Variants in SMARCAD1 observed in about 807,000 individuals in gnomAD.
SMARCAD1 encodes SNF2 related chromatin remodeling ATPase with DExD box 1, also known as SWI/SNF-related matrix-associated actin-dependent regulator of chromatin subfamily A containing DEAD/H box 1.
SMARCAD1 carries 25 observed loss-of-function variants against 127.1 expected under a neutral mutation model. That is an observed-to-expected ratio of 0.20 (90% CI 0.14 to 0.27). The LOEUF (loss-of-function observed/expected upper bound fraction) is 0.27. SMARCAD1 is among the 10% of genes least tolerant of loss of function. SMARCAD1 has a pLI of 1.00. For missense variants in SMARCAD1, 807 were observed against 1,206.0 expected, an observed-to-expected ratio of 0.67 and a Z score of 4.90; for synonymous variants, 400 against 396.9, an observed-to-expected ratio of 1.01 and a Z score of -0.09.
chr4:94,261,598 T>C (rs1457199199), intron 9 of SMARCAD1, among the ~76,000 whole-genome samples: 1 of 152,194 alleles, frequency 6.6e-6, no homozygotes, highest in African/African-American at 2.4e-5. Flanking sequence ...TTCATTATAA[T>C]TGGTGAAAGA....
rs926161794 is a variant in SMARCAD1, at chr4:94,207,913, C to G, written c.-207C>G. The G allele has an allele frequency of 3.0e-6, 1 of 337,858 alleles. No individual in the cohort carries two copies. Among genetic ancestry groups the G allele is most frequent in the Non-Finnish European group, 5.8e-6 (1 of 172,106 alleles). 20.9% of individuals were successfully genotyped at this position (337,858 alleles called of 1,614,324 possible). A position where few individuals can be genotyped will look rare whatever the true frequency, so the allele number is the denominator to read the frequency against. On this transcript the variant is annotated 5_prime_UTR_variant, in exon 1 of 24. Transcript: ENST00000354268. The stretch of plus-strand genomic sequence containing the variant: ...CGCCAGCACGGCCTCCGCCGCTCCC[C>G]TTCTTTGGCCCCTTTGTGTCCCCGC...
At chr4:94,228,333 T>G (rs1386775291) in intron 3 of SMARCAD1, among the ~76,000 whole-genome samples, 6 of 152,204 alleles carry the variant, frequency 3.9e-5, no homozygotes, top group African/African-American at 1.4e-4. Flanking sequence ...GCATTATCAC[T>G]CTTCGTAAAC....
chr4:94,260,212 C>T (rs1306278839), intron 9 of SMARCAD1, among the ~76,000 whole-genome samples: 2 of 152,148 alleles, frequency 1.3e-5, no homozygotes, highest in Non-Finnish European at 1.5e-5. Flanking sequence ...AATATTATTA[C>T]ATAGTTAGTG....
intron 9 of SMARCAD1, among the ~76,000 whole-genome samples, chr4:94,258,237 C>T (rs1368492705): frequency 6.6e-6 from 1 of 151,790 alleles, no homozygotes. Flanking sequence ...TCACTGCAAT[C>T]TCTGCCTCCC....
At chr4:94,279,163 A>G in intron 19 of SMARCAD1, 113 bp downstream of exon 19, 1 of 1,445,156 alleles carries the variant, frequency 6.9e-7, no homozygotes, top group Non-Finnish European at 9.5e-7. Context: ...TATTTAAGAA[A>G]AACTTTTTTT....
In SMARCAD1 at chr4:94,270,717, C is replaced by T; in HGVS notation, c.1482-11C>T. Reference sequence around the variant, plus strand: ...TAGATGTGTAATATTTGGTAACTCTCTCTTTACCAGTTTGTCACTCAAGCC... The same window carrying T: ...TAGATGTGTAATATTTGGTAACTCTTTCTTTACCAGTTTGTCACTCAAGCC... On this transcript the variant is annotated splice_polypyrimidine_tract_variant and intron_variant, in intron 10 of 23. Transcript: ENST00000354268. The T allele has an allele frequency of 6.2e-7, 1 of 1,607,030 alleles. No individual in the cohort carries two copies. Among genetic ancestry groups the T allele is most frequent in the Non-Finnish European group, 8.5e-7 (1 of 1,173,842 alleles).
intron 10 of SMARCAD1, among the ~76,000 whole-genome samples, chr4:94,267,154 A>G (rs1751847332): frequency 6.6e-6 from 1 of 152,088 alleles, no homozygotes; most frequent in Non-Finnish European, 1.5e-5. Flanking sequence ...AAATCTGCCA[A>G]GGTTCTTCTG....
chr4:94,216,820 C>G (rs946618246), intron 2 of SMARCAD1, among the ~76,000 whole-genome samples: 2 of 152,068 alleles, frequency 1.3e-5, no homozygotes, highest in Non-Finnish European at 2.9e-5. Flanking sequence ...TTTGTTTATC[C>G]ATTCATCCAT....
chr4:94,233,335 G>T (rs932542340), intron 3 of SMARCAD1, among the ~76,000 whole-genome samples: 6 of 152,128 alleles, frequency 3.9e-5, no homozygotes, highest in Non-Finnish European at 7.3e-5. Context: ...GAATAAATGA[G>T]TAAAATTTGA....
At chr4:94,276,918 G>A in intron 15 of SMARCAD1, 104 bp from the exon 16 acceptor site, 3 of 1,171,442 alleles carry the variant, frequency 2.6e-6, no homozygotes, top group East Asian at 2.5e-5. Context: ...ATTAATAATG[G>A]TTTTAATTTA....
chr4:94,288,552 A>C (rs968075441), intron 23 of SMARCAD1, among the ~76,000 whole-genome samples: 1 of 151,988 alleles, frequency 6.6e-6, no homozygotes, highest in African/African-American at 2.4e-5. Flanking sequence ...GTTCCTGTGG[A>C]TATATGTGTT....
chr4:94,281,447 C>A, intron 20 of SMARCAD1, 25 bp from the exon 21 acceptor site: 1 of 1,486,678 alleles, frequency 6.7e-7, no homozygotes, highest in Non-Finnish European at 9.4e-7. Flanking sequence ...TTTTCTATTT[C>A]TAATTCATGT....
chr4:94,274,659 G>A lies in SMARCAD1; in HGVS notation c.1673-79G>A, dbSNP rs1753011985. On this transcript the variant is annotated intron_variant, in intron 12 of 23. Transcript: ENST00000354268. ...AAAGACTGATTTCTGAGTAGCACTT[G>A]TCAAAGTTTAGTGTTAATTTAACCA... 7 of 1,336,346 alleles carry A rather than the reference G, an allele frequency of 5.2e-6. No individual in the cohort carries two copies. The South Asian group carries it at 7.0e-5, about 13-fold the overall frequency. 82.8% of individuals were successfully genotyped at this position (1,336,346 alleles called of 1,614,324 possible).
intron 9 of SMARCAD1, among the ~76,000 whole-genome samples, chr4:94,254,774 A>G (rs560098041): frequency 2.0e-3 from 311 of 152,228 alleles, no homozygotes; most frequent in African/African-American, 7.2e-3. Flanking sequence ...AAGTAGGTGA[A>G]TGAGCTTTTT....
intron 2 of SMARCAD1, chr4:94,213,238 T>A: frequency 2.0e-6 from 1 of 497,800 alleles, no homozygotes; most frequent in Non-Finnish European, 3.2e-6. Flanking sequence ...TCACTATCTG[T>A]AATTCACAAA....
intron 2 of SMARCAD1, among the ~76,000 whole-genome samples, chr4:94,222,762 A>G (rs187080279): frequency 0.01 from 1,589 of 152,210 alleles, 23 homozygotes; most frequent in African/African-American, 0.036. Context: ...CAGGAGTTCA[A>G]CACCAGCCTG....
At chr4:94,263,788 G>C (rs777294793) in intron 9 of SMARCAD1, among the ~76,000 whole-genome samples, 29 of 151,886 alleles carry the variant, frequency 1.9e-4, no homozygotes, top group Non-Finnish European at 3.5e-4. Flanking sequence ...TTTTATTTTA[G>C]TTTCCTAGAT....
chr4:94,232,974 C>A (rs766742428), intron 3 of SMARCAD1, among the ~76,000 whole-genome samples: 4 of 151,860 alleles, frequency 2.6e-5, no homozygotes, highest in Non-Finnish European at 5.9e-5. Flanking sequence ...AGTGGAACCC[C>A]GTCTCAAAAA....
intron 12 of SMARCAD1, 41 bp downstream of exon 12, chr4:94,273,757 T>G (rs1389761268): frequency 6.7e-7 from 1 of 1,489,470 alleles, no homozygotes; most frequent in Non-Finnish European, 9.3e-7. Context: ...CTTTATCATG[T>G]TTTATATAGG....
Sources: allele counts gnomAD v4.1 joint callset (sites outside exome capture counted in the v4.1 genomes callset), GRCh38; gene constraint gnomAD v4.1.1; transcripts MANE v1.5; gene names NCBI Gene and HGNC (gene_info 2026-07-23, HGNC 2026-07-21).